SLC25A21: variants seen among roughly 807,000 people sequenced by gnomAD.
SLC25A21 encodes the protein mitochondrial 2-oxodicarboxylate carrier.
In SLC25A21, 47 loss-of-function variants were observed where a neutral mutation model predicts 43.8. That is an observed-to-expected ratio of 1.07 (90% CI 0.85 to 1.37). SLC25A21 has a LOEUF of 1.37. Among genes scored for constraint, SLC25A21 ranks in the 40% most tolerant of loss-of-function variants. The pLI is 0.00. For missense variants in SLC25A21, 352 were observed against 350.2 expected (o/e 1.00, Z -0.04); for synonymous variants, 131 against 121.3 (o/e 1.08, Z -0.52).
At chr14:36,695,942 A>G (rs1429539634) in intron 7 of SLC25A21, among the ~76,000 whole-genome samples, 1 of 152,190 alleles carries the variant, frequency 6.6e-6, no homozygotes, top group Admixed American at 6.5e-5. Context: ...TTCCAACACT[A>G]TGTTGAACAG....
intron 1 of SLC25A21, among the ~76,000 whole-genome samples, chr14:36,932,290 T>C (rs186373254): frequency 1.3e-5 from 2 of 152,112 alleles, no homozygotes; most frequent in Non-Finnish European, 2.9e-5. Flanking sequence ...CAAAAATCAA[T>C]GGCTCCATAA....
chr14:36,894,935 G>T (rs1165086067), intron 1 of SLC25A21, among the ~76,000 whole-genome samples: 1 of 152,054 alleles, frequency 6.6e-6, no homozygotes, highest in Admixed American at 6.6e-5. Context: ...TGCTGGATTT[G>T]GTTTGCCAGT....
chr14:37,029,758 C>CT (rs57538608), intron 1 of SLC25A21, among the ~76,000 whole-genome samples: 2,011 of 106,206 alleles, frequency 0.019, 31 homozygotes, highest in Non-Finnish European at 0.025. Flanking sequence ...TAATAGCCGA[C>CT]TTTTTTTTTT....
intron 5 of SLC25A21, among the ~76,000 whole-genome samples, chr14:36,727,637 G>A (rs978277967): frequency 1.3e-5 from 2 of 151,972 alleles, no homozygotes; most frequent in African/African-American, 4.8e-5. Flanking sequence ...GCAGCGAGCT[G>A]AGATCATGCC....
intron 7 of SLC25A21, among the ~76,000 whole-genome samples, chr14:36,700,285 G>A (rs1348338985): frequency 2.0e-5 from 3 of 152,082 alleles, no homozygotes; most frequent in Non-Finnish European, 4.4e-5. Flanking sequence ...TTTGTGCACA[G>A]TCTTTGGCTG....
chr14:36,809,957 T>A (rs1001866599), intron 3 of SLC25A21, among the ~76,000 whole-genome samples: 10 of 152,144 alleles, frequency 6.6e-5, no homozygotes, highest in Non-Finnish European at 1.5e-4. Flanking sequence ...GGGAAAAAAA[T>A]TAACACAACA....
chr14:36,893,395 T>A (rs1351941258), intron 1 of SLC25A21, among the ~76,000 whole-genome samples: 1 of 151,970 alleles, frequency 6.6e-6, no homozygotes, highest in East Asian at 1.9e-4. Flanking sequence ...TTGATGGGGT[T>A]GTTTTTCTTG....
At position 36,725,476 on chromosome 14, in the gene SLC25A21, AAAATAAATAAATAAATAAAT is replaced by A. The variant is rs10607138; in HGVS notation, c.438+74_438+93del. 47 of 358,956 alleles carry A rather than the reference AAAATAAATAAATAAATAAAT, an allele frequency of 1.3e-4. 2 individuals carry two copies. The highest frequency in any genetic ancestry group is 4.4e-4 in the East Asian group (4 of 9,002). 22.2% of individuals were successfully genotyped at this position (358,956 alleles called of 1,614,324 possible). ...GGCAACAAGAGCAAAACTCTGTCCC[AAAATAAATAAATAAATAAAT>A]AAATAAATAAATAAATAAATAAATA... On this transcript the variant is annotated intron_variant, in intron 6 of 9. Coordinates refer to ENST00000331299, the MANE Select transcript of SLC25A21 (RefSeq NM_030631.4).
At position 36,871,218 on chromosome 14, in the gene SLC25A21, A is replaced by G. The variant is rs576173950; in HGVS notation, c.119+3738T>C. Among the ~76,000 whole-genome samples, 413 of 151,888 alleles carry G rather than the reference A, an allele frequency of 2.7e-3. 1 individual carries two copies. The highest frequency in any genetic ancestry group is 9.5e-3 in the African/African-American group (396 of 41,468). The stretch of plus-strand genomic sequence containing the variant: ...GGTCATGAGGGTAGAGCCCTCAGGA[A>G]TGGGATTAGTGCCCTTATATGAGAG... On this transcript the variant is annotated intron_variant, in intron 2 of 9. Coordinates refer to ENST00000331299, the MANE Select transcript of SLC25A21 (RefSeq NM_030631.4).
intron 1 of SLC25A21, among the ~76,000 whole-genome samples, chr14:37,143,599 T>TGTGC (rs1963607510): frequency 6.6e-6 from 1 of 151,702 alleles, no homozygotes; most frequent in African/African-American, 2.4e-5. Flanking sequence ...CGTGTGTGTG[T>TGTGC]GTGTGTGTGT....
intron 3 of SLC25A21, 43 bp from the exon 4 acceptor site, chr14:36,734,616 G>A (rs759310116): frequency 6.2e-6 from 9 of 1,442,856 alleles, no homozygotes; most frequent in Non-Finnish European, 8.6e-6. Context: ...AGGAAATTAG[G>A]CAACAAGTAT....
chr14:37,153,269 T>G (rs1392788917), intron 1 of SLC25A21, among the ~76,000 whole-genome samples: 1 of 152,192 alleles, frequency 6.6e-6, no homozygotes, highest in Non-Finnish European at 1.5e-5. Flanking sequence ...TAGCCTCTCA[T>G]AAACTGCACA....
intron 1 of SLC25A21, among the ~76,000 whole-genome samples, chr14:37,113,242 A>C (rs1389916950): frequency 6.6e-6 from 1 of 152,216 alleles, no homozygotes; most frequent in African/African-American, 2.4e-5. Flanking sequence ...ACTTAAAAAA[A>C]CACCTTTTTT....
intron 3 of SLC25A21, among the ~76,000 whole-genome samples, chr14:36,785,599 C>T (rs181353160): frequency 5.3e-5 from 8 of 152,270 alleles, no homozygotes; most frequent in Admixed American, 4.6e-4. Context: ...TTTAAAACTA[C>T]AATATGAAAA....
At chr14:36,900,127 G>C (rs996157642) in intron 1 of SLC25A21, among the ~76,000 whole-genome samples, 7 of 151,844 alleles carry the variant, frequency 4.6e-5, no homozygotes, top group Admixed American at 4.6e-4. Context: ...GTCCCTGCTT[G>C]CTTTATTCAC....
intron 2 of SLC25A21, among the ~76,000 whole-genome samples, chr14:36,842,485 T>C (rs1034919325): frequency 5.9e-5 from 9 of 152,302 alleles, no homozygotes; most frequent in Non-Finnish European, 1.0e-4. Context: ...GAAGTGACTT[T>C]GCAAAGTCAC....
rs199819771 is a variant in SLC25A21 at position 37,014,589 on chromosome 14, C to CAAA, written c.71-139586_71-139585insTTT. Among the ~76,000 whole-genome samples the CAAA allele has an allele frequency of 9.3e-3, 1,416 of 152,220 alleles. 27 individuals carry two copies. The highest frequency in any genetic ancestry group is 0.031 in the African/African-American group (1,284 of 41,526). The stretch of plus-strand genomic sequence containing the variant: ...AATTGGAATTAATTTTTTCCAAACT[C>CAAA]CTGTCAATGTTGATATTTTGACCTC... On this transcript the variant is annotated intron_variant, in intron 1 of 9. Coordinates refer to ENST00000331299, the MANE Select transcript of SLC25A21 (RefSeq NM_030631.4).
intron 2 of SLC25A21, among the ~76,000 whole-genome samples, chr14:36,859,949 C>G (rs892837429): frequency 2.6e-5 from 4 of 151,976 alleles, no homozygotes; most frequent in Admixed American, 6.6e-5. Context: ...TATTGAGCAC[C>G]TACTTTGTGT....
intron 1 of SLC25A21, among the ~76,000 whole-genome samples, chr14:37,099,589 C>A (rs1322525991): frequency 6.6e-6 from 1 of 151,824 alleles, no homozygotes; most frequent in Non-Finnish European, 1.5e-5. Context: ...CAGGATGTTC[C>A]CCCCGCCACC....
Sources: gnomAD v4.1 joint callset for allele counts (sites outside exome capture counted in the v4.1 genomes callset) on GRCh38, gnomAD v4.1.1 for gene constraint, MANE v1.5 for transcripts, NCBI Gene and HGNC (gene_info 2026-07-23, HGNC 2026-07-21) for gene names.